Variants in IPPK observed in about 807,000 individuals in gnomAD.
IPPK encodes the protein IPK1 homolog.
Under a neutral mutation model 64.6 loss-of-function variants are expected in IPPK, and 22 were observed. The ratio of observed to expected loss-of-function variants is 0.34; its 90% CI spans 0.24 to 0.49. The LOEUF (loss-of-function observed/expected upper bound fraction) is 0.49. Ranked by LOEUF, IPPK falls within the 20% of genes least tolerant of loss-of-function variation. The pLI is 0.99. For missense variants in IPPK, 532 were observed against 630.7 expected (o/e 0.84, Z 1.68); for synonymous variants, 262 against 247.2 (o/e 1.06, Z -0.56).
At chr9:92,626,537 GAT>G (rs1851737061) in intron 11 of IPPK, among the ~76,000 whole-genome samples, 2 of 152,162 alleles carry the variant, frequency 1.3e-5, no homozygotes, top group Non-Finnish European at 1.5e-5. Context: ...AGGAGACAAA[GAT>G]ATGAAAAATA....
intron 11 of IPPK, among the ~76,000 whole-genome samples, chr9:92,629,948 C>G (rs1853468): frequency 0.18 from 27,075 of 152,038 alleles, 3,470 homozygotes; most frequent in East Asian, 0.66. Flanking sequence ...GTGGGAAGAT[C>G]GAACCGTACA....
At chr9:92,621,493 A>C (rs528044629) in intron 11 of IPPK, among the ~76,000 whole-genome samples, 3 of 151,548 alleles carry the variant, frequency 2.0e-5, no homozygotes, top group Non-Finnish European at 4.4e-5. Context: ...TTTAAGTCAG[A>C]AATAATACCA....
Position 92,647,965 on chromosome 9 carries a change from T to G in IPPK, c.504+94A>C, listed in dbSNP as rs1289015362. On this transcript the variant is annotated intron_variant, in intron 6 of 12. Coordinates refer to ENST00000287996, the MANE Select transcript of IPPK (RefSeq NM_022755.6). ...ATGTCAACTAAAAATATCCATATTT[T>G]CTTTTACTCTTCTGAAAACTGTGTG... 62 of 728,750 alleles carry G rather than the reference T, an allele frequency of 8.5e-5. No individual in the cohort carries two copies. In the East Asian group the frequency reaches 1.7e-3, roughly 20 times the overall value. 45.1% of individuals were successfully genotyped at this position (728,750 alleles called of 1,614,324 possible). A position where few individuals can be genotyped will look rare whatever the true frequency, so the allele number is the denominator to read the frequency against.
chr9:92,663,014 C>A lies in IPPK; in HGVS notation c.82-4333G>T, dbSNP rs540874414. Among the ~76,000 whole-genome samples the A allele has an allele frequency of 4.1e-4, 63 of 152,226 alleles. No individual in the cohort carries two copies. In the South Asian group the frequency reaches 5.0e-3, roughly 12 times the overall value. ...AAAGCCCACCCACAAGGATGTCCAACGCAACACTGGGAACACGTGAGCACC... is the reference window on the plus strand; with the variant it reads ...AAAGCCCACCCACAAGGATGTCCAAAGCAACACTGGGAACACGTGAGCACC... On this transcript the variant is annotated intron_variant, in intron 1 of 12. Coordinates refer to ENST00000287996, the MANE Select transcript of IPPK (RefSeq NM_022755.6).
intron 1 of IPPK, among the ~76,000 whole-genome samples, chr9:92,666,541 TGGAG>T (rs1300109816): frequency 6.6e-6 from 1 of 152,092 alleles, no homozygotes; most frequent in East Asian, 1.9e-4. Flanking sequence ...GGTCAGTGTC[TGGAG>T]CTCCAGACAC....
intron 11 of IPPK, among the ~76,000 whole-genome samples, chr9:92,633,123 A>G (rs151198056): frequency 0.04 from 6,034 of 151,372 alleles, 184 homozygotes; most frequent in South Asian, 0.11. Flanking sequence ...TGATTCTCCT[A>G]CCTCAGCCTC....
chr9:92,654,120 G>A (rs1852323801), intron 3 of IPPK, among the ~76,000 whole-genome samples: 1 of 152,172 alleles, frequency 6.6e-6, no homozygotes, highest in Non-Finnish European at 1.5e-5. Context: ...CCCATGCATG[G>A]CCTGAACTCA....
chr9:92,643,881 C>T lies in IPPK; in HGVS notation c.505-1071G>A, dbSNP rs1012234631. 2.6e-5 allele frequency among the ~76,000 whole-genome samples: 4 copies of T among 152,168 alleles called. No individual in the cohort carries two copies. In the East Asian group the frequency reaches 5.8e-4, roughly 22 times the overall value. The stretch of plus-strand genomic sequence containing the variant: ...TGGAAAGATATGCAAATATATCTGA[C>T]AATATGAGTTACCTGGGAAGGCAGG... On this transcript the variant is annotated intron_variant, in intron 6 of 12. Transcript: ENST00000287996.
intron 1 of IPPK, among the ~76,000 whole-genome samples, chr9:92,663,174 A>C (rs1355582671): frequency 6.6e-6 from 1 of 152,280 alleles, no homozygotes; most frequent in Non-Finnish European, 1.5e-5. Context: ...ATCACATAAC[A>C]ACACTTGGGT....
intron 9 of IPPK, among the ~76,000 whole-genome samples, chr9:92,637,605 C>G (rs755918818): frequency 6.6e-6 from 1 of 152,220 alleles, no homozygotes; most frequent in Non-Finnish European, 1.5e-5. Flanking sequence ...AGGACCCAGC[C>G]CTGCAGGATT....
intron 2 of IPPK, among the ~76,000 whole-genome samples, chr9:92,656,763 G>A (rs565380316): frequency 2.0e-5 from 3 of 152,058 alleles, no homozygotes; most frequent in African/African-American, 2.4e-5. Context: ...CACCCTCCTC[G>A]GCCCAGAGAC....
At chr9:92,618,314 G>T (rs749915771) in intron 12 of IPPK, 1 of 456,682 alleles carries the variant, frequency 2.2e-6, no homozygotes, top group South Asian at 1.5e-5. Context: ...TCCCCTCCTA[G>T]TGTCGTTTCT....
At chr9:92,616,549 T>C (rs1021834304) in intron 12 of IPPK, 2 of 154,894 alleles carry the variant, frequency 1.3e-5, no homozygotes, top group African/African-American at 4.8e-5. Flanking sequence ...GCCTTCTTCT[T>C]TGCCTCTCCT....
Position 92,615,905 on chromosome 9 carries a change from G to A in IPPK, c.1403C>T (p.Ala468Val), listed in dbSNP as rs1409966471. ...AGTCGACATCACGGCGTTGTCTTTGGCACGTACAGTCTTTGAATAATAGTT... is the reference window on the plus strand; with the variant it reads ...AGTCGACATCACGGCGTTGTCTTTGACACGTACAGTCTTTGAATAATAGTT... ...IVNYYSKTVRAKDNAVMSTRF... is the reference protein window; with the variant it reads ...IVNYYSKTVRVKDNAVMSTRF... Residue 468 changes from alanine (A) to valine (V), a missense_variant, in exon 13 of 13, where the codon GCC becomes GTC. Ala to Val is a moderately conservative substitution (Grantham distance 64). Transcript: ENST00000287996. 6.2e-7 allele frequency: 1 copy of A among 1,614,040 alleles called. No individual in the cohort carries two copies. Among genetic ancestry groups the A allele is most frequent in the African/African-American group, 1.3e-5 (1 of 74,922 alleles).
At chr9:92,663,527 A>G (rs748834871) in intron 1 of IPPK, among the ~76,000 whole-genome samples, 1 of 152,260 alleles carries the variant, frequency 6.6e-6, no homozygotes, top group Admixed American at 6.5e-5. Flanking sequence ...TCATGGAGAA[A>G]TATTGGATGT....
intron 1 of IPPK, among the ~76,000 whole-genome samples, chr9:92,659,977 G>A (rs768284233): frequency 9.2e-5 from 14 of 151,948 alleles, no homozygotes; most frequent in Non-Finnish European, 1.9e-4. Flanking sequence ...TGCTACCGCT[G>A]TCCCCTCCCA....
chr9:92,658,569 G>GAA, intron 2 of IPPK, 65 bp downstream of exon 2: 1 of 1,321,268 alleles, frequency 7.6e-7, no homozygotes, highest in Non-Finnish European at 1.1e-6. Flanking sequence ...TTCTACATCG[G>GAA]AAAAAAAAAT....
chr9:92,638,067 C>G lies in IPPK; in HGVS notation c.850G>C (p.Gly284Arg). Reference protein sequence around the residue: ...DKGRAGTLSPGLGPQGPRVCE... With the variant: ...DKGRAGTLSPRLGPQGPRVCE... ...ACTCGCGGGCCCTGAGGCCCGAGCC[C>G]CGGACTCAGGGTGCCTGCCCGGCCC... Residue 284 changes from glycine to arginine, a missense_variant, in exon 9 of 13, where the codon GGG becomes CGG. By Grantham distance (125) the Gly-to-Arg change is moderately radical. Coordinates refer to ENST00000287996, the MANE Select transcript of IPPK (RefSeq NM_022755.6). The G allele has an allele frequency of 6.2e-7, 1 of 1,610,842 alleles. No homozygotes were observed. The highest frequency in any genetic ancestry group is 1.1e-5 in the South Asian group (1 of 90,824).
chr9:92,649,380 C>A lies in IPPK; in HGVS notation c.414+73G>T, dbSNP rs910550847. 5 of 1,574,864 alleles carry A rather than the reference C, an allele frequency of 3.2e-6. No homozygotes were observed. The African/African-American group carries it at 5.4e-5, about 17-fold the overall frequency. The stretch of plus-strand genomic sequence containing the variant: ...TCAGTGGGAACTGGAACCCAAGGCA[C>A]GTGACTCTTGGACTTACTACCCAAG... On this transcript the variant is annotated intron_variant, in intron 5 of 12. Coordinates refer to ENST00000287996, the MANE Select transcript of IPPK (RefSeq NM_022755.6).
Sources: allele counts gnomAD v4.1 joint callset (sites outside exome capture counted in the v4.1 genomes callset), GRCh38; gene constraint gnomAD v4.1.1; transcripts MANE v1.5; gene names NCBI Gene and HGNC (gene_info 2026-07-23, HGNC 2026-07-21).